CPQ: variants seen among roughly 807,000 people sequenced by gnomAD.
The protein encoded by CPQ is carboxypeptidase Q, also known as Ser-Met dipeptidase.
A neutral mutation model predicts 45.7 loss-of-function variants in CPQ; 37 were observed. That is an observed-to-expected ratio of 0.81 (90% CI 0.62 to 1.07). The LOEUF (loss-of-function observed/expected upper bound fraction) is 1.07. Among genes scored for constraint, CPQ ranks in the 50% least tolerant of loss-of-function variants. CPQ has a pLI of 0.00. For missense variants in CPQ, 537 were observed against 572.9 expected, an observed-to-expected ratio of 0.94 and a Z score of 0.64; for synonymous variants, 186 against 205.8, an observed-to-expected ratio of 0.90 and a Z score of 0.82.
intron 5 of CPQ, among the ~76,000 whole-genome samples, chr8:97,018,539 TAAA>T (rs1182600664): frequency 6.6e-6 from 1 of 151,956 alleles, no homozygotes; most frequent in Non-Finnish European, 1.5e-5. Context: ...ATAGCATAAA[TAAA>T]AAACAATCAA....
chr8:96,849,707 AGCT>A (rs1367603781), intron 3 of CPQ, among the ~76,000 whole-genome samples: 3 of 152,180 alleles, frequency 2.0e-5, no homozygotes, highest in African/African-American at 7.2e-5. Flanking sequence ...CCCAGATGTT[AGCT>A]GATAACATCC....
intron 6 of CPQ, among the ~76,000 whole-genome samples, chr8:97,042,922 T>G (rs1416157271): frequency 2.0e-4 from 31 of 152,212 alleles, no homozygotes; most frequent in African/African-American, 5.5e-4. Context: ...GGTCAATTTT[T>G]GAATCGGTGT....
At position 96,916,209 on chromosome 8, in the gene CPQ, G is replaced by T. The variant is rs373555548; in HGVS notation, c.849+36204G>T. ...TGTCCCAGTTGGCCCAAATTGGTTG[G>T]TTTTTGTTGACAAAGTATCCTAATA... On this transcript the variant is annotated intron_variant, in intron 4 of 7. Transcript: ENST00000220763. 1.6e-4 allele frequency among the ~76,000 whole-genome samples: 24 copies of T among 152,162 alleles called. No homozygotes were observed. In the East Asian group the frequency reaches 4.3e-3, roughly 27 times the overall value.
intron 1 of CPQ, among the ~76,000 whole-genome samples, chr8:96,744,865 G>C (rs1810154041): frequency 6.6e-6 from 1 of 152,062 alleles, no homozygotes; most frequent in South Asian, 2.1e-4. Context: ...TAATGGTTTG[G>C]ACTGAAGTGT....
intron 6 of CPQ, among the ~76,000 whole-genome samples, chr8:97,058,538 G>A (rs1473207556): frequency 6.6e-6 from 1 of 152,134 alleles, no homozygotes; most frequent in Non-Finnish European, 1.5e-5. Flanking sequence ...CAATTTAGTT[G>A]TTACCTTTTG....
intron 3 of CPQ, among the ~76,000 whole-genome samples, chr8:96,872,959 G>T (rs377037834): frequency 6.6e-6 from 1 of 151,702 alleles, no homozygotes; most frequent in African/African-American, 2.4e-5. Flanking sequence ...AGAGAAAAAA[G>T]CCAAAAGTCC....
At chr8:96,964,993 T>C (rs952447354) in intron 4 of CPQ, among the ~76,000 whole-genome samples, 1 of 152,208 alleles carries the variant, frequency 6.6e-6, no homozygotes, top group African/African-American at 2.4e-5. Flanking sequence ...AAATATTTTC[T>C]TATAATTACT....
At chr8:96,653,783 G>A (rs1390255097) in intron 1 of CPQ, among the ~76,000 whole-genome samples, 1 of 152,130 alleles carries the variant, frequency 6.6e-6, no homozygotes, top group Non-Finnish European at 1.5e-5. Flanking sequence ...AGGCGGAGGA[G>A]GAGGAGGAAG....
chr8:96,787,892 G>A (rs1310615850), intron 2 of CPQ, among the ~76,000 whole-genome samples: 2 of 35,822 alleles, frequency 5.6e-5, no homozygotes, highest in Non-Finnish European at 9.4e-5. Context: ...GTAAGGATGG[G>A]GTCTAAATCA....
intron 4 of CPQ, among the ~76,000 whole-genome samples, chr8:96,941,214 T>C (rs1255553377): frequency 2.0e-5 from 3 of 152,142 alleles, no homozygotes; most frequent in African/African-American, 7.2e-5. Flanking sequence ...TAGGCTTATA[T>C]AACTTTGAAA....
In CPQ at chr8:97,066,190, G is replaced by A. The variant is rs750399271; in HGVS notation, c.1235G>A (p.Trp412Ter). Reference protein sequence around the residue: ...SHGEGTDINFWIQAGVPGASL... With the variant: ...SHGEGTDINF ...GGAGAAGGGACAGACATCAACTTTT[G>A]GATCCAAGCTGGAGTGCCTGGTAAG... The change falls in exon 7 of 8, where the codon TGG (tryptophan) becomes TAG (stop). Residue 412 changes from tryptophan to a stop codon, truncating the protein, a stop_gained. Transcript: ENST00000220763. LOFTEE classifies it high-confidence loss of function. The A allele has an allele frequency of 1.2e-6, 2 of 1,609,614 alleles. No individual in the cohort carries two copies. The highest frequency in any genetic ancestry group is 1.7e-6 in the Non-Finnish European group (2 of 1,178,802).
intron 7 of CPQ, among the ~76,000 whole-genome samples, chr8:97,121,124 T>C (rs1259520394): frequency 6.6e-6 from 1 of 152,180 alleles, no homozygotes; most frequent in Non-Finnish European, 1.5e-5. Context: ...ATAGTTACAG[T>C]GCTGTATTGA....
chr8:96,792,903 A>G (rs537328981), intron 2 of CPQ, among the ~76,000 whole-genome samples: 3 of 152,290 alleles, frequency 2.0e-5, no homozygotes, highest in Admixed American at 2.0e-4. Context: ...AGTTACAATC[A>G]TGGCGGAAGA....
intron 7 of CPQ, among the ~76,000 whole-genome samples, chr8:97,090,166 G>C (rs752984408): frequency 6.6e-5 from 10 of 152,198 alleles, no homozygotes; most frequent in Non-Finnish European, 8.8e-5. Context: ...GTTCCCTGGA[G>C]TAGGGAGACC....
chr8:97,075,364 T>C (rs954233165), intron 7 of CPQ, among the ~76,000 whole-genome samples: 1 of 152,190 alleles, frequency 6.6e-6, no homozygotes, highest in African/African-American at 2.4e-5. Context: ...CATAGGACTT[T>C]CCATCCATTT....
At chr8:96,824,693 A>G (rs1811354577) in intron 2 of CPQ, among the ~76,000 whole-genome samples, 1 of 152,044 alleles carries the variant, frequency 6.6e-6, no homozygotes, top group African/African-American at 2.4e-5. Context: ...TTCTATTACC[A>G]TAGCGTATGT....
intron 2 of CPQ, among the ~76,000 whole-genome samples, chr8:96,797,153 A>G (rs1810941602): frequency 6.6e-6 from 1 of 152,216 alleles, no homozygotes; most frequent in Admixed American, 6.5e-5. Flanking sequence ...CTTGTCTCTG[A>G]AACAGCAGAA....
At chr8:97,001,721 C>CTTTTTTTTTTTTT (rs61282246) in intron 5 of CPQ, among the ~76,000 whole-genome samples, 286 of 92,068 alleles carry the variant, frequency 3.1e-3, no homozygotes, top group Non-Finnish European at 3.8e-3. Context: ...TTCTTTCTTT[C>CTTTTTTTTTTTTT]TTTTTTTTTT....
intron 1 of CPQ, among the ~76,000 whole-genome samples, chr8:96,783,260 AGTGTGTGT>A (rs71267280): frequency 6.8e-6 from 1 of 147,906 alleles, no homozygotes; most frequent in Non-Finnish European, 1.5e-5. Flanking sequence ...TAGTTGTGTG[AGTGTGTGT>A]GTGTGTGTGT....
Sources: gnomAD v4.1 joint callset for allele counts (sites outside exome capture counted in the v4.1 genomes callset) on GRCh38, gnomAD v4.1.1 for gene constraint, MANE v1.5 for transcripts, NCBI Gene and HGNC (gene_info 2026-07-23, HGNC 2026-07-21) for gene names.